The following USP34 variants were observed in gnomAD, a reference collection of about 807,000 sequenced individuals.
USP34 encodes the protein ubiquitin carboxyl-terminal hydrolase 34.
In USP34, 70 loss-of-function variants were observed where a neutral mutation model predicts 460.3. The ratio of observed to expected loss-of-function variants is 0.15; its 90% CI spans 0.13 to 0.19. The LOEUF (loss-of-function observed/expected upper bound fraction) is 0.19, where lower values mean the gene tolerates loss of function less well. USP34 is among the 10% of genes least tolerant of loss of function. The pLI, the probability that USP34 is intolerant of heterozygous loss-of-function variation, is 1.00. For synonymous variants in USP34, 1,647 were observed against 1,405.3 expected (o/e 1.17, Z -3.85); for missense variants, 3,985 against 4,236.2 (o/e 0.94, Z 1.65).
chr2:61,415,627 A>C (rs190803019), intron 2 of USP34, among the ~76,000 whole-genome samples: 138 of 152,340 alleles, frequency 9.1e-4, no homozygotes, highest in Non-Finnish European at 1.7e-3. Flanking sequence ...CCAACATCTC[A>C]AAAAGCTGAC....
At chr2:61,449,064 G>A (rs918797943) in intron 1 of USP34, among the ~76,000 whole-genome samples, 5 of 152,110 alleles carry the variant, frequency 3.3e-5, no homozygotes, top group African/African-American at 1.2e-4. Context: ...GGCTGAGGCA[G>A]GAGAACTGCT....
At chr2:61,449,995 G>A (rs912541855) in intron 1 of USP34, among the ~76,000 whole-genome samples, 2 of 152,274 alleles carry the variant, frequency 1.3e-5, no homozygotes, top group Admixed American at 1.3e-4. Flanking sequence ...GAACCCAGGA[G>A]GCAGAGCCTG....
chr2:61,197,708 C>A (rs1022291528), intron 75 of USP34, among the ~76,000 whole-genome samples: 1 of 152,196 alleles, frequency 6.6e-6, no homozygotes, highest in East Asian at 1.9e-4. Context: ...AGTGATCCTC[C>A]TGCCTCAGCC....
chr2:61,255,471 A>T (rs987777578), intron 48 of USP34, among the ~76,000 whole-genome samples: 13 of 152,212 alleles, frequency 8.5e-5, no homozygotes, highest in African/African-American at 3.1e-4. Context: ...TTTGTATCTT[A>T]GGAATCAGCA....
intron 20 of USP34, among the ~76,000 whole-genome samples, chr2:61,325,775 G>A (rs1246353819): frequency 6.6e-6 from 1 of 152,042 alleles, no homozygotes; most frequent in Non-Finnish European, 1.5e-5. Flanking sequence ...AGTTAGAATA[G>A]GCAACAAGTA....
intron 1 of USP34, among the ~76,000 whole-genome samples, chr2:61,457,823 G>A (rs1298637624): frequency 1.3e-5 from 2 of 152,120 alleles, no homozygotes; most frequent in African/African-American, 4.8e-5. Context: ...ACTCCAGCCT[G>A]AGTGACAGAG....
chr2:61,305,587 A>C (rs1033847237), intron 27 of USP34, among the ~76,000 whole-genome samples: 2 of 152,124 alleles, frequency 1.3e-5, no homozygotes, highest in African/African-American at 4.8e-5. Context: ...TCAGAAATTA[A>C]AAGGTTAAGG....
chr2:61,215,088 TAC>T (rs1687360516), intron 67 of USP34, among the ~76,000 whole-genome samples: 1 of 152,340 alleles, frequency 6.6e-6, no homozygotes, highest in Non-Finnish European at 1.5e-5. Flanking sequence ...TTCAATGTTC[TAC>T]AGTCTTAGTT....
intron 68 of USP34, among the ~76,000 whole-genome samples, chr2:61,212,861 G>C (rs1687307202): frequency 6.6e-6 from 1 of 152,072 alleles, no homozygotes; most frequent in Non-Finnish European, 1.5e-5. Flanking sequence ...CTAGTAACTA[G>C]ATCAAATATT....
intron 75 of USP34, among the ~76,000 whole-genome samples, chr2:61,198,221 T>C (rs971504309): frequency 6.6e-6 from 1 of 152,268 alleles, no homozygotes; most frequent in Non-Finnish European, 1.5e-5. Context: ...CTTTTTTCTG[T>C]ACATGTACTA....
At chr2:61,340,166 C>T (rs556078328) in intron 16 of USP34, among the ~76,000 whole-genome samples, 1 of 151,758 alleles carries the variant, frequency 6.6e-6, no homozygotes, top group Admixed American at 6.6e-5. Flanking sequence ...ACAGACATAC[C>T]TCTAAATGAC....
At chr2:61,406,639 A>G (rs1412197333) in intron 2 of USP34, among the ~76,000 whole-genome samples, 2 of 151,496 alleles carry the variant, frequency 1.3e-5, no homozygotes, top group Non-Finnish European at 2.9e-5. Context: ...CAACACACAC[A>G]CACTCTCTCT....
In USP34 at chr2:61,400,356, G is replaced by A. The variant is rs987044403; in HGVS notation, c.553-5123C>T. Reference sequence around the variant, plus strand: ...GATCTCCTGACCTTGTGATCCACCCGCCTCGGCCTCCCAAAGTGCTGGGAT... The same window carrying A: ...GATCTCCTGACCTTGTGATCCACCCACCTCGGCCTCCCAAAGTGCTGGGAT... On this transcript the variant is annotated intron_variant, in intron 3 of 79. Transcript: ENST00000398571. 3.9e-5 allele frequency among the ~76,000 whole-genome samples: 6 copies of A among 151,952 alleles called. No individual in the cohort carries two copies. The East Asian group carries it at 5.8e-4, about 15-fold the overall frequency.
rs556153007 is a variant in USP34 at position 61,287,880 on chromosome 2, A to G, written c.4749+797T>C. The stretch of plus-strand genomic sequence containing the variant: ...CTCCTCTATTTTTCAAGGGCCAACC[A>G]TATTTTCTTTCATCTCCAAATCCAC... On this transcript the variant is annotated intron_variant, in intron 34 of 79. Transcript: ENST00000398571. Among the ~76,000 whole-genome samples the G allele has an allele frequency of 5.9e-5, 9 of 152,308 alleles. No homozygotes were observed. The East Asian group carries it at 1.2e-3, about 20-fold the overall frequency.
intron 31 of USP34, 41 bp from the exon 32 acceptor site, chr2:61,295,073 A>G: frequency 1.2e-6 from 2 of 1,603,532 alleles, no homozygotes; most frequent in East Asian, 2.2e-5. Context: ...ATGGCGGAAG[A>G]AAGAATTATT....
chr2:61,302,710 T>C (rs779737258), intron 27 of USP34, among the ~76,000 whole-genome samples: 19 of 152,246 alleles, frequency 1.2e-4, no homozygotes, highest in African/African-American at 1.9e-4. Context: ...ACAATTCCCA[T>C]ACCAAAATCA....
intron 1 of USP34, among the ~76,000 whole-genome samples, chr2:61,458,022 T>C (rs1231175448): frequency 6.6e-6 from 1 of 152,104 alleles, no homozygotes; most frequent in African/African-American, 2.4e-5. Context: ...GATCTTACGA[T>C]TTTTCAGATA....
intron 15 of USP34, among the ~76,000 whole-genome samples, chr2:61,346,856 G>C (rs1339762571): frequency 2.9e-5 from 3 of 102,120 alleles, no homozygotes; most frequent in Non-Finnish European, 6.0e-5. Context: ...AAAAAAAAAA[G>C]GCCGGGCCTG....
intron 1 of USP34, among the ~76,000 whole-genome samples, chr2:61,447,434 TC>T (rs1695152828): frequency 6.6e-6 from 1 of 152,130 alleles, no homozygotes; most frequent in Non-Finnish European, 1.5e-5. Context: ...ACATTATCAG[TC>T]TTCCTTGAAG....
Sources: gnomAD v4.1 joint callset for allele counts (sites outside exome capture counted in the v4.1 genomes callset) on GRCh38, gnomAD v4.1.1 for gene constraint, MANE v1.5 for transcripts, NCBI Gene and HGNC (gene_info 2026-07-23, HGNC 2026-07-21) for gene names.